ERCC2: variants seen among roughly 807,000 people sequenced by gnomAD.
ERCC2 encodes general transcription and DNA repair factor IIH helicase subunit XPD.
ERCC2 carries 90 observed loss-of-function variants against 99.4 expected under a neutral mutation model. That is an observed-to-expected ratio of 0.91 (90% CI 0.76 to 1.08). The LOEUF (loss-of-function observed/expected upper bound fraction) is 1.08. Among genes scored for constraint, ERCC2 ranks in the 50% least tolerant of loss-of-function variants. The pLI is 0.00. For missense variants in ERCC2, 993 were observed against 1,038.1 expected (o/e 0.96, Z 0.60); for synonymous variants, 497 against 432.4 (o/e 1.15, Z -1.85).
chr19:45,357,795 A>C lies in ERCC2; in HGVS notation c.1238-96T>G, dbSNP rs896116193. 2.7e-6 allele frequency: 3 copies of C among 1,103,580 alleles called. No homozygotes were observed. The African/African-American group carries it at 4.6e-5, about 17-fold the overall frequency. 68.4% of individuals were successfully genotyped at this position (1,103,580 alleles called of 1,614,324 possible). A position where few individuals can be genotyped will look rare whatever the true frequency, so the allele number is the denominator to read the frequency against. On this transcript the variant is annotated intron_variant, in intron 12 of 22. Transcript: ENST00000391945. ...CTCTCCTGCTCCCTCGCTTCACCCCAATCTCCACCCCGTACTGCCTGGGAG... is the reference window on the plus strand; with the variant it reads ...CTCTCCTGCTCCCTCGCTTCACCCCCATCTCCACCCCGTACTGCCTGGGAG...
intron 15 of ERCC2, 135 bp from the exon 16 acceptor site, chr19:45,355,863 C>T: frequency 1.3e-6 from 1 of 746,948 alleles, no homozygotes; most frequent in Non-Finnish European, 2.3e-6. Context: ...CCATGTTGCC[C>T]AGGCTGATCT....
Position 45,351,010 on chromosome 19 carries a change from GGAC to G in ERCC2, c.*616_*618del, listed in dbSNP as rs760672425. 6.2e-7 allele frequency: 1 copy of G among 1,614,106 alleles called. No individual in the cohort carries two copies. Among genetic ancestry groups the G allele is most frequent in the South Asian group, 1.1e-5 (1 of 91,082 alleles). On this transcript the variant is annotated 3_prime_UTR_variant, in exon 23 of 23. Transcript: ENST00000391945. ...AACGTGGATGCTCCAAGGGCTCCTG[GGAC>G]TCAGGTGAGGGGGACATCTGGGTCA...
chr19:45,358,718 G>A, intron 12 of ERCC2: 1 of 696,718 alleles, frequency 1.4e-6, no homozygotes, highest in Non-Finnish European at 2.7e-6. Flanking sequence ...GCCCTCCCCA[G>A]CCACCTTTTC....
Position 45,370,562 on chromosome 19 carries a change from C to CG in ERCC2, c.-23dup. The CG allele has an allele frequency of 2.5e-6, 4 of 1,590,788 alleles. No homozygotes were observed. The highest frequency in any genetic ancestry group is 4.5e-5 in the East Asian group (2 of 44,052). ...TCATGGCGCCGGCCGGACTGTGCAG[C>CG]GGGGTCGACCCGCCTCCCTCATGAA... On this transcript the variant is annotated 5_prime_UTR_variant, in exon 1 of 23. Transcript: ENST00000391945.
In ERCC2 at chr19:45,350,846, C is replaced by T. The variant is rs1971722793; in HGVS notation, c.*783G>A. 2.1e-6 allele frequency: 3 copies of T among 1,400,662 alleles called. No individual in the cohort carries two copies. The South Asian group carries it at 3.6e-5, about 17-fold the overall frequency. 86.8% of individuals were successfully genotyped at this position (1,400,662 alleles called of 1,614,324 possible). A position where few individuals can be genotyped will look rare whatever the true frequency, so the allele number is the denominator to read the frequency against. On this transcript the variant is annotated 3_prime_UTR_variant, in exon 23 of 23. Coordinates refer to ENST00000391945, the MANE Select transcript of ERCC2 (RefSeq NM_000400.4). ...CTTGCTCAAGAACCTTCCATGGCTCCCATCTCCCCTGTGATACACACAGAT... is the reference window on the plus strand; with the variant it reads ...CTTGCTCAAGAACCTTCCATGGCTCTCATCTCCCCTGTGATACACACAGAT...
chr19:45,355,780 G>A lies in ERCC2; in HGVS notation c.1480-52C>T, dbSNP rs377467161. The stretch of plus-strand genomic sequence containing the variant: ...GCGAGGCAGCAGCAACTGCTCCAGC[G>A]TGAGTGCTGACCACCTGCTGGTGCT... On this transcript the variant is annotated intron_variant, in intron 15 of 22. Transcript: ENST00000391945. 119 of 1,436,878 alleles carry A rather than the reference G, an allele frequency of 8.3e-5. No individual in the cohort carries two copies. In the African/African-American group the frequency reaches 1.2e-3, roughly 14 times the overall value. 89.0% of individuals were successfully genotyped at this position (1,436,878 alleles called of 1,614,324 possible).
chr19:45,357,806 C>A, intron 12 of ERCC2, 107 bp from the exon 13 acceptor site: 3 of 1,024,646 alleles, frequency 2.9e-6, no homozygotes, highest in Non-Finnish European at 4.5e-6. Flanking sequence ...ATCTCCACCC[C>A]GTACTGCCTG....
At chr19:45,365,985 C>T (rs1031121111) in intron 5 of ERCC2, among the ~76,000 whole-genome samples, 5 of 151,070 alleles carry the variant, frequency 3.3e-5, no homozygotes, top group African/African-American at 7.3e-5. Flanking sequence ...CACAGGTGTG[C>T]ACCACCATGC....
At chr19:45,355,808 T>C (rs1971992537) in intron 15 of ERCC2, 80 bp from the exon 16 acceptor site, 1 of 1,064,700 alleles carries the variant, frequency 9.4e-7, no homozygotes, top group African/African-American at 1.7e-5. Context: ...CTGGTGCTGT[T>C]CTAAGCTTTT....
rs1260724831 is a variant in ERCC2 at position 45,352,335 on chromosome 19, G to T, written c.2064C>A (p.Asp688Glu). 7 of 1,613,890 alleles carry T rather than the reference G, an allele frequency of 4.3e-6. No individual in the cohort carries two copies. Among genetic ancestry groups the T allele is most frequent in the East Asian group, 2.2e-5 (1 of 44,890 alleles). The change falls in exon 22 of 23, where the codon GAC (aspartate) becomes GAA (glutamate). Residue 688 changes from aspartate to glutamate, a missense_variant. By Grantham distance (45) the Asp-to-Glu change is conservative. Coordinates refer to ENST00000391945, the MANE Select transcript of ERCC2 (RefSeq NM_000400.4). ...VFADKRFARG[D>E]KRGKLPRWIQ... ...TCCAGCGGGGCAGCTTCCCCCGCTT[G>T]TCCCCACGGGCAAACCGCTGTGGGC...
chr19:45,368,491 A>G (rs1018462308), intron 5 of ERCC2, 139 bp downstream of exon 5: 50 of 712,874 alleles, frequency 7.0e-5, no homozygotes, highest in Non-Finnish European at 1.2e-4. Context: ...TGAGAATTTG[A>G]CCACTGAGAC....
chr19:45,349,918 T>C lies in ERCC2; in HGVS notation c.*1711A>G, dbSNP rs1054650156. On this transcript the variant is annotated 3_prime_UTR_variant, in exon 23 of 23. Transcript: ENST00000391945. ...CCCCACATCGCTAGTTCTTATAGCG[T>C]CCCTATGAGGTGGGAGCTGTCGCTC... 7 of 434,498 alleles carry C rather than the reference T, an allele frequency of 1.6e-5. No homozygotes were observed. Among genetic ancestry groups the C allele is most frequent in the African/African-American group, 1.2e-4 (6 of 50,164 alleles). The allele number at this position is 434,498 out of a possible 1,614,324, so 26.9% of individuals were successfully genotyped here.
chr19:45,357,961 TG>T, intron 12 of ERCC2: 1 of 560,630 alleles, frequency 1.8e-6, no homozygotes, highest in Non-Finnish European at 3.2e-6. Context: ...CCCCGCCCAC[TG>T]CTCACTCTCC....
At position 45,350,262 on chromosome 19, in the gene ERCC2, A is replaced by G. The variant is rs1274949701; in HGVS notation, c.*1367T>C. ...CATACCAAGACCCCTGTCTCTACAA[A>G]AAAAAAAAAAAAGGCGGGACTGGAT... On this transcript the variant is annotated 3_prime_UTR_variant, in exon 23 of 23. Coordinates refer to ENST00000391945, the MANE Select transcript of ERCC2 (RefSeq NM_000400.4). The G allele has an allele frequency of 3.7e-6, 3 of 805,126 alleles. No individual in the cohort carries two copies. Among genetic ancestry groups the G allele is most frequent in the African/African-American group, 3.7e-5 (2 of 54,002 alleles). 49.9% of individuals were successfully genotyped at this position (805,126 alleles called of 1,614,324 possible).
Position 45,369,083 on chromosome 19 carries a change from A to C in ERCC2, c.170T>G (p.Met57Arg). The C allele has an allele frequency of 6.2e-7, 1 of 1,614,070 alleles. No homozygotes were observed. The highest frequency in any genetic ancestry group is 8.5e-7 in the Non-Finnish European group (1 of 1,179,980). ...GKTVSLLALI[M>R]AYQRAYPLEV... ...CGCATCACTCACTCTCTGGTATGCC[A>C]TGATCAGGGCCAACAGGGATACTGT... The change falls in exon 3 of 23, where the codon ATG becomes AGG. Residue 57 changes from methionine to arginine, a missense_variant. By Grantham distance (91) the Met-to-Arg change is moderately conservative. This residue lies in a region of ERCC2 where 29 missense variants were observed against 62.1 expected (regional missense o/e 0.47). Transcript: ENST00000391945.
chr19:45,358,267 G>A (rs556225719), intron 12 of ERCC2: 4 of 183,448 alleles, frequency 2.2e-5, no homozygotes, highest in South Asian at 2.3e-4. Context: ...TGGTCCACCC[G>A]CCTCAGGCTC....
chr19:45,356,137 C>CTA (rs1972004396), intron 15 of ERCC2, among the ~76,000 whole-genome samples: 4 of 152,270 alleles, frequency 2.6e-5, no homozygotes, highest in African/African-American at 9.6e-5. Flanking sequence ...CAGCTACACT[C>CTA]TAGCCAGCCC....
At chr19:45,355,516 C>A in intron 16 of ERCC2, 149 bp downstream of exon 16, 1 of 779,482 alleles carries the variant, frequency 1.3e-6, no homozygotes, top group South Asian at 1.4e-5. Flanking sequence ...CCTACCAGCT[C>A]ACAGTGGACG....
Position 45,352,789 on chromosome 19 carries a change from A to G in ERCC2, c.1859T>C (p.Met620Thr), listed in dbSNP as rs1453219809. The G allele has an allele frequency of 1.2e-6, 2 of 1,609,062 alleles. No individual in the cohort carries two copies. The highest frequency in any genetic ancestry group is 2.2e-5 in the East Asian group (1 of 44,520). ...TGTGTAGACGTAGGGGACGCCAAACATGATGACGGCCCGCCCGTAGTGGTG... is the reference window on the plus strand; with the variant it reads ...TGTGTAGACGTAGGGGACGCCAAACGTGATGACGGCCCGCCCGTAGTGGTG... ...FVHHYGRAVI[M>T]FGVPYVYTQS... Residue 620 changes from methionine to threonine, a missense_variant, in exon 20 of 23, where the codon ATG becomes ACG. By Grantham distance (81) the Met-to-Thr change is moderately conservative. Coordinates refer to ENST00000391945, the MANE Select transcript of ERCC2 (RefSeq NM_000400.4).
Sources: allele counts gnomAD v4.1 joint callset (sites outside exome capture counted in the v4.1 genomes callset), GRCh38; gene constraint gnomAD v4.1.1; regional missense constraint gnomAD v4.1.1; transcripts MANE v1.5; gene names NCBI Gene and HGNC (gene_info 2026-07-23, HGNC 2026-07-21).